DSCAML1: variants seen among roughly 807,000 people sequenced by gnomAD.
The protein encoded by DSCAML1 is cell adhesion molecule DSCAML1.
Under a neutral mutation model 200.5 loss-of-function variants are expected in DSCAML1, and 38 were observed. That is an observed-to-expected ratio of 0.19 (90% CI 0.15 to 0.25). DSCAML1 has a LOEUF of 0.25. DSCAML1 is among the 10% of genes least tolerant of loss of function. DSCAML1 has a pLI of 1.00. For synonymous variants in DSCAML1, 1,215 were observed against 1,165.0 expected, an observed-to-expected ratio of 1.04 and a Z score of -0.87; for missense variants, 2,223 against 2,858.8, an observed-to-expected ratio of 0.78 and a Z score of 5.07.
chr11:117,453,192 C>A (rs1180999745), intron 19 of DSCAML1, among the ~76,000 whole-genome samples: 1 of 152,218 alleles, frequency 6.6e-6, no homozygotes, highest in Non-Finnish European at 1.5e-5. Flanking sequence ...GCCTCGGCCT[C>A]CCAAAGTGCT....
At chr11:117,484,100 C>T (rs2048989493) in intron 11 of DSCAML1, among the ~76,000 whole-genome samples, 1 of 150,692 alleles carries the variant, frequency 6.6e-6, no homozygotes, top group Admixed American at 6.6e-5. Context: ...CTTTCTCCTC[C>T]TTCCTTCCGG....
rs1300357722 is a variant in DSCAML1 at position 117,503,939 on chromosome 11, G to C, written c.2265C>G (p.Arg755=). Residue 755 remains arginine (R), a synonymous_variant, in exon 11 of 33, where the codon CGC becomes CGG. Transcript: ENST00000651296. This position sits in a 1 kb window ranked among gnomAD's most constrained non-coding sequence, Gnocchi z 5.2. The part of the protein sequence containing the change: ...QILPNSSLLI[R]HVLEEDIGYY... ...AGCCGATGTCCTCTTCTAGGACGTG[G>C]CGGATCAGCAGCGAGCTGTTGGGCA... is the stretch of plus-strand genomic sequence containing the variant. The C allele has an allele frequency of 1.2e-6, 2 of 1,614,194 alleles. No homozygotes were observed. Among genetic ancestry groups the C allele is most frequent in the Non-Finnish European group, 1.7e-6 (2 of 1,180,026 alleles).
At chr11:117,431,810 G>T in intron 30 of DSCAML1, 82 bp from the exon 31 acceptor site, 2 of 1,374,018 alleles carry the variant, frequency 1.5e-6, no homozygotes, top group South Asian at 1.6e-5. Context: ...AGAAAGGGCA[G>T]GGGGGAGCAA....
At chr11:117,512,295 T>C (rs2049638455) in intron 8 of DSCAML1, among the ~76,000 whole-genome samples, 2 of 146,362 alleles carry the variant, frequency 1.4e-5, no homozygotes, top group Non-Finnish European at 1.5e-5. Flanking sequence ...CTTCTCCCCC[T>C]CCAAGTCAGG....
chr11:117,446,902 C>T (rs985956630), intron 20 of DSCAML1, among the ~76,000 whole-genome samples: 3 of 152,140 alleles, frequency 2.0e-5, no homozygotes, highest in South Asian at 2.1e-4. Context: ...TTCATTGAGA[C>T]GTAATTTATA....
intron 3 of DSCAML1, among the ~76,000 whole-genome samples, chr11:117,646,664 C>A (rs1018367007): frequency 2.6e-5 from 4 of 152,138 alleles, no homozygotes; most frequent in Non-Finnish European, 5.9e-5. Flanking sequence ...TTAGTGACAT[C>A]GTGTTGGTAG....
rs199533906 is a variant in DSCAML1, at chr11:117,532,484, T to C, written c.550A>G (p.Ile184Val). 1.1e-5 allele frequency: 17 copies of C among 1,614,106 alleles called. No individual in the cohort carries two copies. Among genetic ancestry groups the C allele is most frequent in the Non-Finnish European group, 6.8e-6 (8 of 1,179,976 alleles). Residue 184 changes from isoleucine to valine, a missense_variant, in exon 4 of 33, where the codon ATC becomes GTC. By Grantham distance (29) the Ile-to-Val change is conservative. Coordinates refer to ENST00000651296, the MANE Select transcript of DSCAML1 (RefSeq NM_020693.4). ...FFITYHGGLY[I>V]SDVQKEDALS... ...GCGTCCTCCTTCTGTACGTCAGAGATGTACAGCCCGCCGTGGTAGGTAATA... is the reference window on the plus strand; with the variant it reads ...GCGTCCTCCTTCTGTACGTCAGAGACGTACAGCCCGCCGTGGTAGGTAATA...
Position 117,524,951 on chromosome 11 carries a change from C to T in DSCAML1, c.791G>A (p.Arg264Gln), listed in dbSNP as rs1485165144. The T allele has an allele frequency of 1.1e-5, 17 of 1,613,448 alleles. No homozygotes were observed. The highest frequency in any genetic ancestry group is 6.7e-5 in the African/African-American group (5 of 75,058). ...CCAGCGGCTGTCAGCCGGGAGGGGC[C>T]GGCCATCCTTGAGCCAGCGGATGGC... is the stretch of plus-strand genomic sequence containing the variant. Reference protein sequence around the residue: ...IPAIRWLKDGRPLPADSRWTK... With the variant: ...IPAIRWLKDGQPLPADSRWTK... The change falls in exon 5 of 33, where the codon CGG becomes CAG. Residue 264 changes from arginine (R) to glutamine (Q), a missense_variant. Around this residue, in one of 7 missense-constraint regions of DSCAML1, gnomAD observed 579 missense variants for 721.5 expected, o/e 0.80. Coordinates refer to ENST00000651296, the MANE Select transcript of DSCAML1 (RefSeq NM_020693.4).
At chr11:117,755,753 A>G (rs149318372) in intron 3 of DSCAML1, among the ~76,000 whole-genome samples, 1 of 152,024 alleles carries the variant, frequency 6.6e-6, no homozygotes, top group African/African-American at 2.4e-5. Context: ...CCCACAGGAG[A>G]TCTCTGAGTG....
intron 11 of DSCAML1, among the ~76,000 whole-genome samples, chr11:117,488,061 C>T (rs899742801): frequency 6.6e-5 from 10 of 152,138 alleles, no homozygotes; most frequent in African/African-American, 2.2e-4. Flanking sequence ...GTACTCGTGT[C>T]CTTGCAGATG....
At chr11:117,500,541 G>T (rs527240811) in intron 11 of DSCAML1, among the ~76,000 whole-genome samples, 1 of 82,726 alleles carries the variant, frequency 1.2e-5, no homozygotes, top group Non-Finnish European at 2.5e-5. Context: ...CAAACTTACC[G>T]GGGAGGACAT....
At chr11:117,632,051 T>C (rs2052185224) in intron 3 of DSCAML1, among the ~76,000 whole-genome samples, 1 of 152,296 alleles carries the variant, frequency 6.6e-6, no homozygotes, top group African/African-American at 2.4e-5. Context: ...AGTGGCCATA[T>C]AGCCTAATGG....
Position 117,525,205 on chromosome 11 carries a change from T to G in DSCAML1, c.659-122A>C, listed in dbSNP as rs1460719965. On this transcript the variant is annotated intron_variant, in intron 4 of 32. Coordinates refer to ENST00000651296, the MANE Select transcript of DSCAML1 (RefSeq NM_020693.4). ...CCCACTGGCGCCCACAGCGAGCAGT[T>G]TCCAGGGCGGCTCCAGAGGAACATT... The G allele has an allele frequency of 3.3e-6, 4 of 1,224,998 alleles. No homozygotes were observed. The Admixed American group carries it at 1.2e-4, about 38-fold the overall frequency. The allele number at this position is 1,224,998 out of a possible 1,614,324, so 75.9% of individuals were successfully genotyped here.
chr11:117,552,038 A>C, intron 3 of DSCAML1, among the ~76,000 whole-genome samples: 1 of 128,904 alleles, frequency 7.8e-6, no homozygotes. Flanking sequence ...AAGGTGGGGG[A>C]CAGAGTGTGA....
At chr11:117,618,031 T>G (rs114639167) in intron 3 of DSCAML1, among the ~76,000 whole-genome samples, 2,838 of 152,336 alleles carry the variant, frequency 0.019, 92 homozygotes, top group African/African-American at 0.062. Flanking sequence ...CTCTCTCTCA[T>G]CTATGCTACC....
chr11:117,438,522 G>A (rs1269927761), intron 24 of DSCAML1, among the ~76,000 whole-genome samples: 1 of 152,108 alleles, frequency 6.6e-6, no homozygotes, highest in Non-Finnish European at 1.5e-5. Flanking sequence ...AGAGCGCTGA[G>A]TCAGAACTGC....
chr11:117,782,233 A>G (rs2055278147), intron 1 of DSCAML1, among the ~76,000 whole-genome samples: 1 of 152,244 alleles, frequency 6.6e-6, no homozygotes, highest in African/African-American at 2.4e-5. Flanking sequence ...TGGGGAGAAT[A>G]TACCAGGCAG....
chr11:117,495,818 A>T (rs1565739447), intron 11 of DSCAML1, among the ~76,000 whole-genome samples: 1 of 152,116 alleles, frequency 6.6e-6, no homozygotes, highest in African/African-American at 2.4e-5. Flanking sequence ...AAAGCCTGGT[A>T]TTTGTTCCTT....
intron 8 of DSCAML1, among the ~76,000 whole-genome samples, chr11:117,509,397 T>C (rs2049574287): frequency 6.6e-6 from 1 of 152,156 alleles, no homozygotes; most frequent in South Asian, 2.1e-4. Flanking sequence ...GAGTTAAACA[T>C]GCAGCTGGGC....
Sources: allele counts gnomAD v4.1 joint callset (sites outside exome capture counted in the v4.1 genomes callset), GRCh38; gene constraint gnomAD v4.1.1; regional missense constraint gnomAD v4.1.1; non-coding constraint Gnocchi (gnomAD v3.1); transcripts MANE v1.5; gene names NCBI Gene and HGNC (gene_info 2026-07-23, HGNC 2026-07-21).